Variants in VIT observed in about 807,000 individuals in gnomAD.
VIT encodes vitrin.
A neutral mutation model predicts 78.0 loss-of-function variants in VIT; 99 were observed. The observed-to-expected ratio is 1.27, with a 90% CI of 1.08 to 1.50. The LOEUF is 1.50. Ranked by LOEUF, VIT falls within the 40% of genes most tolerant of loss-of-function variation. The pLI is 0.00. For synonymous variants in VIT, 374 were observed against 334.3 expected, an observed-to-expected ratio of 1.12 and a Z score of -1.29; for missense variants, 1,126 against 875.3, an observed-to-expected ratio of 1.29 and a Z score of -3.61.
At chr2:36,767,021 T>C in intron 6 of VIT, 73 bp from the exon 7 acceptor site, 1 of 1,416,634 alleles carries the variant, frequency 7.1e-7, no homozygotes. Context: ...CAATCAACAT[T>C]TATTTTATTT....
At chr2:36,728,475 A>G (rs1202450038) in intron 2 of VIT, among the ~76,000 whole-genome samples, 1 of 152,110 alleles carries the variant, frequency 6.6e-6, no homozygotes, top group Admixed American at 6.5e-5. Flanking sequence ...TAAAAAGTTT[A>G]TAAGGTGAAA....
At chr2:36,778,410 C>G (rs996794343) in intron 9 of VIT, among the ~76,000 whole-genome samples, 1 of 152,160 alleles carries the variant, frequency 6.6e-6, no homozygotes, top group African/African-American at 2.4e-5. Context: ...AAGTTAAAAC[C>G]TGGTGGCTTT....
chr2:36,753,553 C>CA (rs1212045181), intron 4 of VIT, among the ~76,000 whole-genome samples: 1 of 152,036 alleles, frequency 6.6e-6, no homozygotes, highest in Admixed American at 6.5e-5. Flanking sequence ...GTTGTGAGAA[C>CA]AAGATTCTAA....
In VIT at chr2:36,772,466, C is replaced by T. The variant is rs139129759; in HGVS notation, c.680-1325C>T. On this transcript the variant is annotated intron_variant, in intron 7 of 15. Coordinates refer to ENST00000379242, the MANE Select transcript of VIT (RefSeq NM_053276.4). ...CAGGAGATCACTTGAACCTGGAAGG[C>T]GGAGGTTGTGGGGAGCCGAGATCAT... Among the ~76,000 whole-genome samples the T allele has an allele frequency of 4.6e-3, 703 of 152,180 alleles. 4 individuals are homozygous for T. Among genetic ancestry groups the T allele is most frequent in the Non-Finnish European group, 7.2e-3 (489 of 67,998 alleles).
chr2:36,781,893 G>C, intron 10 of VIT, 122 bp downstream of exon 10: 1 of 1,186,454 alleles, frequency 8.4e-7, no homozygotes, highest in Non-Finnish European at 1.2e-6. Flanking sequence ...ATTTCTAATG[G>C]CTCCCGCCTC....
At chr2:36,753,808 T>A (rs1213604224) in intron 4 of VIT, among the ~76,000 whole-genome samples, 3 of 151,530 alleles carry the variant, frequency 2.0e-5, no homozygotes, top group South Asian at 2.1e-4. Flanking sequence ...TGAGGAGGAG[T>A]TGGCTTAGGG....
chr2:36,766,375 A>T (rs1229340588), intron 6 of VIT, among the ~76,000 whole-genome samples: 3 of 143,964 alleles, frequency 2.1e-5, no homozygotes, highest in East Asian at 4.3e-4. Context: ...CAAAAAAAAA[A>T]TTTTAAATTA....
In VIT at chr2:36,758,838, C is replaced by T. The variant is rs1572487161; in HGVS notation, c.410-131C>T. 17 of 795,360 alleles carry T rather than the reference C, an allele frequency of 2.1e-5. No individual in the cohort carries two copies. In the East Asian group the frequency reaches 4.2e-4, roughly 20 times the overall value. 49.3% of individuals were successfully genotyped at this position (795,360 alleles called of 1,614,324 possible). A position where few individuals can be genotyped will look rare whatever the true frequency, so the allele number is the denominator to read the frequency against. On this transcript the variant is annotated intron_variant, in intron 5 of 15. Coordinates refer to ENST00000379242, the MANE Select transcript of VIT (RefSeq NM_053276.4). ...GACATTCTCATTGTAATCAACTATT[C>T]AGCATGAGGGAGACTGATTTTATTG...
At chr2:36,756,027 G>A (rs934700254) in intron 5 of VIT, among the ~76,000 whole-genome samples, 9 of 137,802 alleles carry the variant, frequency 6.5e-5, no homozygotes, top group African/African-American at 1.9e-4. Flanking sequence ...ACACGATCTC[G>A]GCTCACCGCA....
chr2:36,795,775 A>G (rs1380618222), intron 12 of VIT, among the ~76,000 whole-genome samples: 1 of 152,004 alleles, frequency 6.6e-6, no homozygotes, highest in South Asian at 2.1e-4. Flanking sequence ...CGTTTTTTAC[A>G]TTTTTGTGCT....
intron 15 of VIT, among the ~76,000 whole-genome samples, chr2:36,813,567 A>G (rs11124548): frequency 0.56 from 84,501 of 151,676 alleles, 25,440 homozygotes; most frequent in East Asian, 0.79. Flanking sequence ...CTTCATCACA[A>G]TGTTGGAACA....
Position 36,808,750 on chromosome 2 carries a change from C to A in VIT, c.1668C>A (p.Tyr556Ter). The part of the protein sequence containing the change: ...DTRIGAVQYT[Y>*]EQRLEFGFDK... ...GCATCGGGGCCGTGCAGTACACCTACGAACAGCGGCTGGAGTTTGGGTTCG... is the reference window on the plus strand; with the variant it reads ...GCATCGGGGCCGTGCAGTACACCTAAGAACAGCGGCTGGAGTTTGGGTTCG... The change falls in exon 15 of 16, where the codon TAC becomes TAA. Residue 556 changes from tyrosine (Y) to a stop codon, truncating the protein, a stop_gained. Transcript: ENST00000379242. LOFTEE classifies it high-confidence loss of function. 1 of 1,614,108 alleles carries A rather than the reference C, an allele frequency of 6.2e-7. No individual in the cohort carries two copies.
intron 3 of VIT, among the ~76,000 whole-genome samples, chr2:36,731,387 C>G (rs1667198671): frequency 6.6e-6 from 1 of 152,084 alleles, no homozygotes; most frequent in African/African-American, 2.4e-5. Context: ...GATTCTTCTG[C>G]CTCAGCCTCC....
At chr2:36,715,621 G>A (rs541999383) in intron 1 of VIT, among the ~76,000 whole-genome samples, 6 of 152,162 alleles carry the variant, frequency 3.9e-5, no homozygotes, top group East Asian at 1.9e-4. Flanking sequence ...GGATTTACTC[G>A]AGAAGTTGTT....
chr2:36,745,664 G>A lies in VIT; in HGVS notation c.275+2408G>A, dbSNP rs560257296. ...ATTTTTATATATCGGTTTTGTATTC[G>A]GAAAATTTACTGAAATCATTTATCA... On this transcript the variant is annotated intron_variant, in intron 4 of 15. Transcript: ENST00000379242. Among the ~76,000 whole-genome samples the A allele has an allele frequency of 1.1e-4, 17 of 152,096 alleles. No individual in the cohort carries two copies. In the South Asian group the frequency reaches 2.1e-3, roughly 19 times the overall value.
At chr2:36,786,867 G>A (rs1348196082) in intron 11 of VIT, among the ~76,000 whole-genome samples, 1 of 152,178 alleles carries the variant, frequency 6.6e-6, no homozygotes, top group Non-Finnish European at 1.5e-5. Context: ...CTAGGACGTC[G>A]CTGCTTCTGA....
At chr2:36,809,735 G>T (rs1230851496) in intron 15 of VIT, among the ~76,000 whole-genome samples, 2 of 152,088 alleles carry the variant, frequency 1.3e-5, no homozygotes, top group Non-Finnish European at 2.9e-5. Flanking sequence ...ACCTTTTAAG[G>T]AAAAATAATG....
chr2:36,758,161 A>T (rs1395642342), intron 5 of VIT, among the ~76,000 whole-genome samples: 3 of 152,236 alleles, frequency 2.0e-5, no homozygotes, highest in Non-Finnish European at 4.4e-5. Context: ...TTTAACAGAG[A>T]TCTAAGCTTT....
intron 1 of VIT, among the ~76,000 whole-genome samples, chr2:36,708,469 A>G (rs559268143): frequency 2.5e-4 from 38 of 152,304 alleles, no homozygotes; most frequent in African/African-American, 8.9e-4. Context: ...GAGTGGCTCA[A>G]GTAAGCCTCT....
Sources: gnomAD v4.1 joint callset for allele counts (sites outside exome capture counted in the v4.1 genomes callset) on GRCh38, gnomAD v4.1.1 for gene constraint, MANE v1.5 for transcripts, NCBI Gene and HGNC (gene_info 2026-07-23, HGNC 2026-07-21) for gene names.